Variants in ABCB1 observed in about 807,000 individuals in gnomAD.
ABCB1 encodes the protein ATP binding cassette subfamily B member 1, also known as ATP-dependent translocase ABCB1.
Under a neutral mutation model 142.0 loss-of-function variants are expected in ABCB1, and 69 were observed. The ratio of observed to expected loss-of-function variants is 0.49; its 90% CI spans 0.40 to 0.59. The LOEUF is 0.59. Ranked by LOEUF, ABCB1 falls within the 20% of genes least tolerant of loss-of-function variation. ABCB1 has a pLI of 0.00. For missense variants in ABCB1, 1,326 were observed against 1,554.7 expected, an observed-to-expected ratio of 0.85 and a Z score of 2.47; for synonymous variants, 532 against 539.2, an observed-to-expected ratio of 0.99 and a Z score of 0.18.
chr7:87,523,297 T>G (rs1175860522), intron 21 of ABCB1, among the ~76,000 whole-genome samples: 2 of 152,108 alleles, frequency 1.3e-5, no homozygotes, highest in African/African-American at 4.8e-5. Context: ...TTTTTTAATT[T>G]TTTAAGGAAT....
intron 7 of ABCB1, among the ~76,000 whole-genome samples, chr7:87,562,457 C>T (rs1250622958): frequency 6.6e-6 from 1 of 152,154 alleles, no homozygotes; most frequent in Non-Finnish European, 1.5e-5. Context: ...AGAGGAGGCT[C>T]ATACAACATG....
intron 1 of ABCB1, among the ~76,000 whole-genome samples, chr7:87,655,443 T>A (rs899482084): frequency 2.0e-5 from 3 of 152,066 alleles, no homozygotes; most frequent in African/African-American, 7.2e-5. Flanking sequence ...CCAGGAGACA[T>A]TATGTTGAGT....
chr7:87,578,178 TC>T (rs1818352416), intron 4 of ABCB1, among the ~76,000 whole-genome samples: 1 of 152,182 alleles, frequency 6.6e-6, no homozygotes, highest in South Asian at 2.1e-4. Context: ...GAAGAGACGG[TC>T]TTTTCCCCAA....
chr7:87,516,510 G>A lies in ABCB1; in HGVS notation c.3083C>T (p.Pro1028Leu), dbSNP rs371977867. 1.7e-5 allele frequency: 27 copies of A among 1,614,088 alleles called. No individual in the cohort carries two copies. The highest frequency in any genetic ancestry group is 1.6e-4 in the African/African-American group (12 of 75,024). ...AAACAGTTGAAACATCAAACTCACC[G>A]GCATTAGGCCTTCCGTGCTGTAGCT... ...IDSYSTEGLM[P>L]NTLEGNVTFG... The change falls in exon 24 of 28, where the codon CCG becomes CTG. Residue 1028 changes from proline to leucine, a missense_variant and splice_region_variant. Coordinates refer to ENST00000622132, the MANE Select transcript of ABCB1 (RefSeq NM_001348946.2).
chr7:87,615,299 T>A (rs975685109), intron 1 of ABCB1, among the ~76,000 whole-genome samples: 2 of 152,216 alleles, frequency 1.3e-5, no homozygotes, highest in Admixed American at 1.3e-4. Flanking sequence ...TAAATAAGGT[T>A]GTGCTGTGTG....
intron 20 of ABCB1, among the ~76,000 whole-genome samples, chr7:87,534,717 C>G (rs1046358589): frequency 4.6e-5 from 7 of 151,876 alleles, no homozygotes; most frequent in African/African-American, 1.7e-4. Flanking sequence ...GAGTTCAAGA[C>G]CAGACTGGGC....
rs573045721 is a variant in ABCB1 at position 87,524,162 on chromosome 7, TA to T, written c.2686-3287del. On this transcript the variant is annotated intron_variant, in intron 21 of 27. Coordinates refer to ENST00000622132, the MANE Select transcript of ABCB1 (RefSeq NM_001348946.2). ...GACTAATATCAAAATCTATCAGAAG[TA>T]AAAAAAAAAATTAGTAACATTCTTA... Among the ~76,000 whole-genome samples the T allele has an allele frequency of 8.6e-3, 1,262 of 146,372 alleles. 16 individuals carry two copies. Among genetic ancestry groups the T allele is most frequent in the African/African-American group, 0.027 (1,098 of 40,194 alleles).
chr7:87,584,553 A>T (rs1317645121), intron 4 of ABCB1, among the ~76,000 whole-genome samples: 1 of 152,114 alleles, frequency 6.6e-6, no homozygotes, highest in Non-Finnish European at 1.5e-5. Context: ...AGAGAGAGAG[A>T]GGGAGAGAGA....
At chr7:87,615,524 A>G (rs1820004787) in intron 1 of ABCB1, among the ~76,000 whole-genome samples, 1 of 152,202 alleles carries the variant, frequency 6.6e-6, no homozygotes, top group East Asian at 1.9e-4. Flanking sequence ...CTGGCTACTA[A>G]ATTGAAATCA....
chr7:87,572,156 C>A (rs1226640986), intron 4 of ABCB1, among the ~76,000 whole-genome samples: 3 of 149,290 alleles, frequency 2.0e-5, no homozygotes, highest in Non-Finnish European at 4.4e-5. Context: ...CTTGGGAAAG[C>A]TTACATTATG....
At chr7:87,583,936 A>T (rs376701423) in intron 4 of ABCB1, among the ~76,000 whole-genome samples, 157 of 152,292 alleles carry the variant, frequency 1.0e-3, no homozygotes, top group African/African-American at 3.7e-3. Context: ...AAGAGAGCTA[A>T]CGCCACAGAA....
intron 23 of ABCB1, chr7:87,518,895 C>G (rs1489807307): frequency 5.9e-6 from 1 of 168,220 alleles, no homozygotes; most frequent in African/African-American, 2.4e-5. Flanking sequence ...CAATTCCTCT[C>G]TTATCAAGGG....
At chr7:87,649,224 T>C (rs1224862630) in intron 1 of ABCB1, among the ~76,000 whole-genome samples, 6 of 152,296 alleles carry the variant, frequency 3.9e-5, no homozygotes, top group Non-Finnish European at 8.8e-5. Flanking sequence ...CTACACATGT[T>C]AAAACCCATA....
intron 20 of ABCB1, among the ~76,000 whole-genome samples, chr7:87,534,917 TAAAAAAAAAA>T (rs139364527): frequency 6.5e-5 from 6 of 91,810 alleles, no homozygotes; most frequent in Admixed American, 2.6e-4. Flanking sequence ...CCTGTCTCTT[TAAAAAAAAAA>T]AAAAAAAAAA....
At chr7:87,704,026 T>C (rs1829375921) in intron 1 of ABCB1, among the ~76,000 whole-genome samples, 1 of 144,956 alleles carries the variant, frequency 6.9e-6, no homozygotes, top group African/African-American at 2.5e-5. Context: ...GCTCAAGCAA[T>C]TCTCCTGCCT....
At chr7:87,530,834 AAAGC>A (rs775403655) in intron 21 of ABCB1, among the ~76,000 whole-genome samples, 1,242 of 74,396 alleles carry the variant, frequency 0.017, 8 homozygotes, top group African/African-American at 0.069. Flanking sequence ...AGAAAGCAAG[AAAGC>A]AAGAAAGAAA....
chr7:87,679,164 C>T (rs1341781284), intron 1 of ABCB1, among the ~76,000 whole-genome samples: 1 of 140,998 alleles, frequency 7.1e-6, no homozygotes, highest in Non-Finnish European at 1.5e-5. Flanking sequence ...GCGATCTTGG[C>T]TCACTGCAAG....
chr7:87,610,757 CT>C (rs1334026965), intron 1 of ABCB1, among the ~76,000 whole-genome samples: 1 of 152,172 alleles, frequency 6.6e-6, no homozygotes, highest in Non-Finnish European at 1.5e-5. Flanking sequence ...TTGGGTGGCT[CT>C]ATGCATCTCA....
intron 8 of ABCB1, among the ~76,000 whole-genome samples, chr7:87,554,690 G>C (rs1344324999): frequency 1.3e-5 from 2 of 152,080 alleles, no homozygotes; most frequent in Admixed American, 6.6e-5. Flanking sequence ...CCCAACACTT[G>C]TCATGCCATA....
Sources: allele counts gnomAD v4.1 joint callset (sites outside exome capture counted in the v4.1 genomes callset), GRCh38; gene constraint gnomAD v4.1.1; transcripts MANE v1.5; gene names NCBI Gene and HGNC (gene_info 2026-07-23, HGNC 2026-07-21).